The following COL18A1 variants were observed in gnomAD, a reference collection of about 807,000 sequenced individuals.
COL18A1 encodes collagen alpha-1(XVIII) chain.
COL18A1 carries 133 observed loss-of-function variants against 168.0 expected under a neutral mutation model. The ratio of observed to expected loss-of-function variants is 0.79; its 90% CI spans 0.69 to 0.91. The LOEUF (loss-of-function observed/expected upper bound fraction) is 0.91, where lower values mean the gene tolerates loss of function less well. COL18A1 is among the 40% of genes least tolerant of loss of function. COL18A1 has a pLI of 0.00. For missense variants in COL18A1, 2,126 were observed against 1,925.4 expected (o/e 1.10, Z -1.95); for synonymous variants, 949 against 809.0 (o/e 1.17, Z -2.94).
At chr21:45,481,467 G>A (rs1318041780) in intron 13 of COL18A1, among the ~76,000 whole-genome samples, 2 of 152,162 alleles carry the variant, frequency 1.3e-5, no homozygotes, top group Non-Finnish European at 2.9e-5. Flanking sequence ...GACGTGCAGG[G>A]CAGGGAGTGT....
chr21:45,442,289 T>G (rs1383907363), intron 2 of COL18A1, among the ~76,000 whole-genome samples: 1 of 152,192 alleles, frequency 6.6e-6, no homozygotes, highest in Non-Finnish European at 1.5e-5. Flanking sequence ...ATCCCACCTG[T>G]GAGTTTTATT....
At chr21:45,458,633 A>G (rs1388204831) in intron 2 of COL18A1, among the ~76,000 whole-genome samples, 1 of 152,116 alleles carries the variant, frequency 6.6e-6, no homozygotes, top group African/African-American at 2.4e-5. Flanking sequence ...GCCTTGCAGG[A>G]GCCGTACTGA....
chr21:45,481,140 G>A (rs776347810), intron 13 of COL18A1, among the ~76,000 whole-genome samples: 1 of 152,228 alleles, frequency 6.6e-6, no homozygotes, highest in Non-Finnish European at 1.5e-5. Context: ...GGACTGCACA[G>A]AGAGCGTCTC....
intron 32 of COL18A1, among the ~76,000 whole-genome samples, chr21:45,500,314 T>TGGGGG (rs1157176833): frequency 3.2e-5 from 1 of 31,360 alleles, no homozygotes; most frequent in Non-Finnish European, 5.8e-5. Flanking sequence ...GGGTGTGTAG[T>TGGGGG]GGGGGTGTGA....
chr21:45,482,906 C>G (rs1031258750), intron 15 of COL18A1, 85 bp downstream of exon 15: 23 of 1,598,912 alleles, frequency 1.4e-5, no homozygotes, highest in Non-Finnish European at 8.6e-6. Context: ...GGCAGCCCCA[C>G]GGTCGAGAGA....
intron 2 of COL18A1, among the ~76,000 whole-genome samples, chr21:45,444,683 C>T (rs141172731): frequency 6.6e-6 from 1 of 152,094 alleles, no homozygotes; most frequent in African/African-American, 2.4e-5. Context: ...GGAGGAAACA[C>T]TACTCCACGT....
intron 2 of COL18A1, among the ~76,000 whole-genome samples, chr21:45,441,478 T>G (rs1310751441): frequency 6.6e-6 from 1 of 152,178 alleles, no homozygotes; most frequent in East Asian, 1.9e-4. Flanking sequence ...CTCGGGACGC[T>G]TGAACCCACC....
chr21:45,449,295 C>T (rs576572257), intron 2 of COL18A1, among the ~76,000 whole-genome samples: 3 of 152,292 alleles, frequency 2.0e-5, no homozygotes, highest in Admixed American at 6.5e-5. Flanking sequence ...GCAGGCTGCC[C>T]GCTGAGCGCC....
chr21:45,408,002 GC>G (rs2033169815), intron 2 of COL18A1: 1 of 152,284 alleles, frequency 6.6e-6, no homozygotes. Context: ...TTGTTTCTGG[GC>G]TCACCCACTG....
At chr21:45,448,000 C>T (rs1256944249) in intron 2 of COL18A1, among the ~76,000 whole-genome samples, 2 of 152,092 alleles carry the variant, frequency 1.3e-5, no homozygotes, top group African/African-American at 4.8e-5. Context: ...GGAATAACAC[C>T]CACACAGAGC....
chr21:45,489,003 G>A (rs548686284), intron 18 of COL18A1, among the ~76,000 whole-genome samples: 15 of 151,408 alleles, frequency 9.9e-5, no homozygotes, highest in East Asian at 9.9e-4. Flanking sequence ...CTTTCACCCC[G>A]CTGCGTGCTC....
At chr21:45,495,840 TATAC>T (rs2036519250) in intron 29 of COL18A1, 2 of 333,904 alleles carry the variant, frequency 6.0e-6, no homozygotes, top group Admixed American at 4.1e-5. Context: ...CATACAGGTA[TATAC>T]ATACACTCAT....
At chr21:45,475,649 C>A in intron 5 of COL18A1, 114 bp downstream of exon 5, 1 of 913,046 alleles carries the variant, frequency 1.1e-6, no homozygotes. Context: ...CCCTCTATGC[C>A]ACGAAGACAT....
intron 2 of COL18A1, among the ~76,000 whole-genome samples, chr21:45,426,127 C>T (rs947756735): frequency 6.6e-6 from 1 of 151,964 alleles, no homozygotes; most frequent in Non-Finnish European, 1.5e-5. Flanking sequence ...TTTTTTGAGA[C>T]AGAGTCTCGC....
Position 45,486,937 on chromosome 21 carries a change from C to T in COL18A1, c.1778C>T (p.Pro593Leu), listed in dbSNP as rs2145964688. 2.0e-6 allele frequency: 3 copies of T among 1,503,798 alleles called. 1 individual carries two copies. The highest frequency in any genetic ancestry group is 4.8e-4 in the Middle Eastern group (2 of 4,142). 93.2% of individuals were successfully genotyped at this position (1,503,798 alleles called of 1,614,324 possible). The change falls in exon 16 of 42, where the codon CCA (proline) becomes CTA (leucine). Residue 593 changes from proline (P) to leucine (L), a missense_variant. Physicochemically the swap from Pro to Leu is moderately conservative, Grantham distance 98. Coordinates refer to ENST00000651438, the MANE Select transcript of COL18A1 (RefSeq NM_001379500.1). ...GLAGAPGPAG[P>L]PGPPGPPGPP... ...GCAGGAGCCCCCGGACCTGCTGGAC[C>T]ACCAGGCCCCCCTGGGCCCCCTGGG...
chr21:45,486,258 T>C (rs59315192), intron 15 of COL18A1, among the ~76,000 whole-genome samples: 994 of 84,124 alleles, frequency 0.012, 5 homozygotes, highest in African/African-American at 0.03. Context: ...CTTCTCCCCT[T>C]GCCTGCCGGG....
At chr21:45,430,662 C>T (rs540864261) in intron 2 of COL18A1, among the ~76,000 whole-genome samples, 19 of 152,288 alleles carry the variant, frequency 1.2e-4, no homozygotes, top group Admixed American at 5.9e-4. Flanking sequence ...GGAGATGGCG[C>T]GTCTCGGCCC....
chr21:45,475,690 G>A (rs1047712842), intron 5 of COL18A1, among the ~76,000 whole-genome samples, 155 bp downstream of exon 5: 3 of 152,218 alleles, frequency 2.0e-5, no homozygotes, highest in African/African-American at 7.2e-5. Flanking sequence ...ATGCTGGGCT[G>A]GGCAGACGCT....
chr21:45,477,644 T>C (rs1268861279), intron 7 of COL18A1, 106 bp from the exon 8 acceptor site: 2 of 1,311,598 alleles, frequency 1.5e-6, no homozygotes, highest in African/African-American at 2.9e-5. Context: ...GCGTGTCCAC[T>C]GTGGGAAGCA....
Sources: gnomAD v4.1 joint callset for allele counts (sites outside exome capture counted in the v4.1 genomes callset) on GRCh38, gnomAD v4.1.1 for gene constraint, MANE v1.5 for transcripts, NCBI Gene and HGNC (gene_info 2026-07-23, HGNC 2026-07-21) for gene names.